ZNF248: variants seen among roughly 807,000 people sequenced by gnomAD.
The protein encoded by ZNF248 is zinc finger protein 248.
A neutral mutation model predicts 44.3 loss-of-function variants in ZNF248; 20 were observed. The ratio of observed to expected loss-of-function variants is 0.45; its 90% CI spans 0.32 to 0.66. The LOEUF is 0.66. Ranked by LOEUF, ZNF248 falls within the 30% of genes least tolerant of loss-of-function variation. The pLI, the probability that ZNF248 is intolerant of heterozygous loss-of-function variation, is 0.04. For missense variants in ZNF248, 654 were observed against 677.0 expected (o/e 0.97, Z 0.38); for synonymous variants, 224 against 229.0 (o/e 0.98, Z 0.20).
Position 37,832,277 on chromosome 10 carries a change from T to C in ZNF248, c.1078A>G (p.Asn360Asp), listed in dbSNP as rs1297516591. Residue 360 changes from asparagine (N) to aspartate (D), a missense_variant, in exon 6 of 6, where the codon AAT becomes GAT. By Grantham distance (23) the Asn-to-Asp change is conservative. Coordinates refer to ENST00000395867, the MANE Select transcript of ZNF248 (RefSeq NM_021045.3). The stretch of plus-strand genomic sequence containing the variant: ...GTAAGATGTGACTTCTTGCTGAAAT[T>C]ACTCCCATTTTCATTGTAATCATAA... ...KSYDYNENGS[N>D]FSKKSHLTQL... The C allele has an allele frequency of 6.2e-7, 1 of 1,613,944 alleles. No individual in the cohort carries two copies. The highest frequency in any genetic ancestry group is 1.3e-5 in the African/African-American group (1 of 74,898).
At chr10:37,818,516 T>TTCAGATTC in intron 6 of ZNF248, 1 of 278,012 alleles carries the variant, frequency 3.6e-6, no homozygotes, top group South Asian at 5.2e-5. Context: ...ATCAGATCCA[T>TTCAGATTC]TCAGATTCTC....
intron 6 of ZNF248, among the ~76,000 whole-genome samples, chr10:37,784,435 G>A (rs902322810): frequency 6.6e-6 from 1 of 152,164 alleles, no homozygotes; most frequent in Non-Finnish European, 1.5e-5. Context: ...TGTAGTTAAG[G>A]CCACTGATGC....
chr10:37,795,637 G>T (rs938014071), intron 6 of ZNF248: 3 of 152,042 alleles, frequency 2.0e-5, no homozygotes, highest in African/African-American at 4.8e-5. Flanking sequence ...CATTTTGATT[G>T]TATTCATGAG....
In ZNF248 at chr10:37,831,409, A is replaced by G; in HGVS notation, c.*206T>C. On this transcript the variant is annotated 3_prime_UTR_variant, in exon 6 of 6. Coordinates refer to ENST00000395867, the MANE Select transcript of ZNF248 (RefSeq NM_021045.3). The stretch of plus-strand genomic sequence containing the variant: ...TAACACTAAACAACATAAATTCCAG[A>G]TAAATATTTTCACCATATTACTTAG... 6.6e-7 allele frequency: 1 copy of G among 1,517,996 alleles called. No individual in the cohort carries two copies. The highest frequency in any genetic ancestry group is 8.8e-7 in the Non-Finnish European group (1 of 1,132,994). The allele number at this position is 1,517,996 out of a possible 1,614,324, so 94.0% of individuals were successfully genotyped here. A position where few individuals can be genotyped will look rare whatever the true frequency, so the allele number is the denominator to read the frequency against.
At chr10:37,787,524 T>C (rs1237504058) in intron 6 of ZNF248, among the ~76,000 whole-genome samples, 1 of 152,018 alleles carries the variant, frequency 6.6e-6, no homozygotes, top group East Asian at 1.9e-4. Flanking sequence ...TATTTATTTA[T>C]TTATTTTTGG....
intron 6 of ZNF248, among the ~76,000 whole-genome samples, chr10:37,779,887 C>A (rs1026195905): frequency 1.3e-5 from 2 of 150,694 alleles, no homozygotes; most frequent in African/African-American, 4.9e-5. Flanking sequence ...AAACAGAGAG[C>A]CAAATCATGA....
At chr10:37,846,982 T>G (rs924577757) in intron 3 of ZNF248, among the ~76,000 whole-genome samples, 1 of 152,182 alleles carries the variant, frequency 6.6e-6, no homozygotes, top group Non-Finnish European at 1.5e-5. Context: ...ACACCGATTA[T>G]ACATTAAGAA....
At chr10:37,775,879 G>T (rs1464318944), downstream of ZNF248, among the ~76,000 whole-genome samples, 1 of 152,218 alleles carries the variant, frequency 6.6e-6, no homozygotes, top group African/African-American at 2.4e-5. Flanking sequence ...AGTTGCAACA[G>T]AACCTGGCAG....
rs1179355875 is a variant in ZNF248 at position 37,793,856 on chromosome 10, C to T, written c.331-17281G>A. On this transcript the variant is annotated intron_variant, in intron 6 of 6. Coordinates refer to the ZNF248 transcript ENST00000615949. The stretch of plus-strand genomic sequence containing the variant: ...AAAATATTTCACATCACATCTGATG[C>T]AAAAACTGTGATGACATTTCTTTTT... Among the ~76,000 whole-genome samples, 3 of 152,128 alleles carry T rather than the reference C, an allele frequency of 2.0e-5. No individual in the cohort carries two copies. The East Asian group carries it at 5.8e-4, about 29-fold the overall frequency.
At chr10:37,769,943 A>C in the ZNF248 span, among the ~76,000 whole-genome samples, 1 of 152,238 alleles carries the variant, frequency 6.6e-6, no homozygotes, top group Non-Finnish European at 1.5e-5. Context: ...TACAAAATCA[A>C]TGTACAAAAA....
At chr10:37,851,839 T>C (rs888338465) in intron 3 of ZNF248, among the ~76,000 whole-genome samples, 1 of 137,808 alleles carries the variant, frequency 7.3e-6, no homozygotes, top group Non-Finnish European at 1.5e-5. Context: ...AGAAACTGGA[T>C]CATGCGTACA....
intron 6 of ZNF248, among the ~76,000 whole-genome samples, chr10:37,788,871 A>G (rs2048188342): frequency 6.7e-6 from 1 of 148,266 alleles, no homozygotes; most frequent in Non-Finnish European, 1.5e-5. Flanking sequence ...GAATGTCTAG[A>G]AAGACTTTTT....
intron 6 of ZNF248, among the ~76,000 whole-genome samples, chr10:37,785,025 C>G (rs2047725104): frequency 6.6e-6 from 1 of 152,174 alleles, no homozygotes; most frequent in Admixed American, 6.5e-5. Flanking sequence ...AAAACACCTA[C>G]TACATTTGGG....
At chr10:37,791,301 C>G (rs1264750261) in intron 6 of ZNF248, among the ~76,000 whole-genome samples, 1 of 151,936 alleles carries the variant, frequency 6.6e-6, no homozygotes, top group Non-Finnish European at 1.5e-5. Context: ...CTCGGCCTCC[C>G]AAAGTGCTGG....
intron 6 of ZNF248, chr10:37,795,070 A>C (rs2048992093): frequency 6.6e-6 from 1 of 152,282 alleles, no homozygotes; most frequent in African/African-American, 2.4e-5. Context: ...CAGTAAACTC[A>C]TAAAGTTTCT....
At chr10:37,770,145 C>T in the ZNF248 span, among the ~76,000 whole-genome samples, 14,072 of 152,186 alleles carry the variant, frequency 0.092, 879 homozygotes, top group Non-Finnish European at 0.15. Context: ...AATGGAGGAA[C>T]ATTCCATGCT....
At chr10:37,804,091 TTTTC>T (rs1353700888) in intron 6 of ZNF248, 7 of 58,634 alleles carry the variant, frequency 1.2e-4, no homozygotes, top group African/African-American at 2.5e-4. Flanking sequence ...CTTGTTTCCT[TTTTC>T]TTTTTCTTTT....
chr10:37,832,651 G>C lies in ZNF248; in HGVS notation c.704C>G (p.Ser235Cys), dbSNP rs1040396998. 3 of 1,613,130 alleles carry C rather than the reference G, an allele frequency of 1.9e-6. No individual in the cohort carries two copies. In the African/African-American group the frequency reaches 4.0e-5, roughly 22 times the overall value. Residue 235 changes from serine (S) to cysteine (C), a missense_variant, in exon 6 of 6, where the codon TCT (serine) becomes TGT (cysteine). Ser to Cys is a moderately radical substitution (Grantham distance 112). Transcript: ENST00000395867. ...TTTACAGACTGTCTCTCCTATCTGAGATCTCTTATTTGTAAAAAATGCTGC... is the reference window on the plus strand; with the variant it reads ...TTTACAGACTGTCTCTCCTATCTGACATCTCTTATTTGTAAAAAATGCTGC... ...DEAAFFTNKR[S>C]QIGETVCKYN...
At chr10:37,822,938 A>G (rs559814834) in intron 6 of ZNF248, among the ~76,000 whole-genome samples, 83 of 152,186 alleles carry the variant, frequency 5.5e-4, no homozygotes, top group Non-Finnish European at 1.0e-3. Context: ...TATGTGAAGG[A>G]AACTATAAAA....
Sources: gnomAD v4.1 joint callset for allele counts (sites outside exome capture counted in the v4.1 genomes callset) on GRCh38, gnomAD v4.1.1 for gene constraint, MANE v1.5 for transcripts, NCBI Gene and HGNC (gene_info 2026-07-23, HGNC 2026-07-21) for gene names.